The following CLYBL variants were observed in gnomAD, a reference collection of about 807,000 sequenced individuals.
CLYBL encodes the protein citramalyl-CoA lyase, also known as citramalyl-CoA lyase, mitochondrial.
Under a neutral mutation model 38.9 loss-of-function variants are expected in CLYBL, and 31 were observed. That is an observed-to-expected ratio of 0.80 (90% CI 0.60 to 1.08). The LOEUF (loss-of-function observed/expected upper bound fraction) is 1.08, where lower values mean the gene tolerates loss of function less well. Among genes scored for constraint, CLYBL ranks in the 50% least tolerant of loss-of-function variants. CLYBL has a pLI of 0.00. For missense variants in CLYBL, 434 were observed against 411.6 expected (o/e 1.05, Z -0.47); for synonymous variants, 171 against 158.6 (o/e 1.08, Z -0.59).
At chr13:99,862,240 A>G (rs187103563) in intron 3 of CLYBL, among the ~76,000 whole-genome samples, 90 of 152,296 alleles carry the variant, frequency 5.9e-4, no homozygotes, top group African/African-American at 2.0e-3. Flanking sequence ...CTATCTCCCC[A>G]CATCTTATTA....
chr13:99,817,353 A>T (rs1016495207), intron 2 of CLYBL, among the ~76,000 whole-genome samples: 1 of 152,150 alleles, frequency 6.6e-6, no homozygotes, highest in African/African-American at 2.4e-5. Context: ...ATTAAGAGAG[A>T]GAAGATGTGA....
chr13:99,860,163 A>G (rs995572848), intron 3 of CLYBL, among the ~76,000 whole-genome samples: 2 of 152,174 alleles, frequency 1.3e-5, no homozygotes, highest in South Asian at 4.1e-4. Context: ...TCGATTTTGA[A>G]GACTCGGGAC....
At chr13:99,640,239 TTAA>T (rs2139264518) in intron 1 of CLYBL, among the ~76,000 whole-genome samples, 1 of 152,368 alleles carries the variant, frequency 6.6e-6, no homozygotes, top group East Asian at 1.9e-4. Context: ...TACTTAAGAT[TTAA>T]TATATTTGCT....
At chr13:99,787,559 ATC>A in intron 2 of CLYBL, among the ~76,000 whole-genome samples, 1 of 152,204 alleles carries the variant, frequency 6.6e-6, no homozygotes. Context: ...ATTGGTCTGT[ATC>A]TCTGTTTTGC....
intron 2 of CLYBL, among the ~76,000 whole-genome samples, chr13:99,783,413 A>G (rs1447290566): frequency 6.6e-6 from 1 of 151,026 alleles, no homozygotes; most frequent in East Asian, 2.0e-4. Flanking sequence ...TCTTCTACAT[A>G]TCTGCTTGGT....
At chr13:99,692,296 T>G (rs9557279) in intron 1 of CLYBL, among the ~76,000 whole-genome samples, 4,438 of 150,506 alleles carry the variant, frequency 0.029, 197 homozygotes, top group African/African-American at 0.099. Flanking sequence ...GTTTTTTTTT[T>G]TTTGTTTGTT....
chr13:99,630,260 A>G (rs1342886738), intron 1 of CLYBL, among the ~76,000 whole-genome samples: 2 of 152,166 alleles, frequency 1.3e-5, no homozygotes, highest in Non-Finnish European at 1.5e-5. Context: ...ATCCTGATAA[A>G]TTGTCAAATG....
intron 1 of CLYBL, among the ~76,000 whole-genome samples, chr13:99,635,831 T>A (rs1370493441): frequency 4.6e-5 from 7 of 152,232 alleles, no homozygotes; most frequent in Admixed American, 6.5e-5. Flanking sequence ...CTCATCTTTA[T>A]GGTGACAATA....
chr13:99,607,144 C>T lies in CLYBL; in HGVS notation c.62+387C>T, dbSNP rs191943574. Among the ~76,000 whole-genome samples, 404 of 152,240 alleles carry T rather than the reference C, an allele frequency of 2.7e-3. 4 individuals carry two copies. Among genetic ancestry groups the T allele is most frequent in the African/African-American group, 9.4e-3 (391 of 41,536 alleles). ...TCCCAAACGGTTTGGTCTCAGGACC[C>T]GTTTACACGTCTAAAAATAATTTGA... On this transcript the variant is annotated intron_variant, in intron 1 of 8. Transcript: ENST00000339105.
chr13:99,882,214 G>T (rs1326468279), intron 7 of CLYBL, among the ~76,000 whole-genome samples: 1 of 152,112 alleles, frequency 6.6e-6, no homozygotes, highest in Non-Finnish European at 1.5e-5. Flanking sequence ...TTAATAAGAA[G>T]AATTTGAGAT....
chr13:99,835,873 G>A (rs1000980056), intron 2 of CLYBL, among the ~76,000 whole-genome samples: 1 of 152,166 alleles, frequency 6.6e-6, no homozygotes, highest in Non-Finnish European at 1.5e-5. Flanking sequence ...AGTTAACCAG[G>A]AAGTCCAGGG....
chr13:99,803,504 T>C (rs2050173897), intron 2 of CLYBL, among the ~76,000 whole-genome samples: 2 of 152,254 alleles, frequency 1.3e-5, no homozygotes, highest in South Asian at 4.1e-4. Flanking sequence ...GGAACTGCAG[T>C]GGAAAGCCTA....
At chr13:99,840,750 C>CAAAAAAA (rs59274056) in intron 2 of CLYBL, among the ~76,000 whole-genome samples, 8 of 16,814 alleles carry the variant, frequency 4.8e-4, no homozygotes, top group African/African-American at 1.9e-3. Flanking sequence ...ACCCTTGTCT[C>CAAAAAAA]AAAAAAAAAA....
chr13:99,755,144 G>A (rs181866842), intron 1 of CLYBL, among the ~76,000 whole-genome samples: 18 of 152,266 alleles, frequency 1.2e-4, no homozygotes, highest in Admixed American at 7.2e-4. Context: ...TGATCCGCCC[G>A]CCTCGGCCTC....
intron 7 of CLYBL, among the ~76,000 whole-genome samples, chr13:99,872,799 ACACT>A (rs1275706144): frequency 6.6e-6 from 1 of 152,106 alleles, no homozygotes; most frequent in African/African-American, 2.4e-5. Flanking sequence ...CAAACCAGAA[ACACT>A]TGCTTTGCTC....
intron 1 of CLYBL, among the ~76,000 whole-genome samples, chr13:99,607,812 C>T (rs746288936): frequency 5.3e-5 from 8 of 151,986 alleles, no homozygotes; most frequent in African/African-American, 1.5e-4. Context: ...GGTGTAATCT[C>T]GGCTTACTGC....
chr13:99,775,527 A>AT (rs1459362234), intron 2 of CLYBL, among the ~76,000 whole-genome samples: 74 of 152,028 alleles, frequency 4.9e-4, no homozygotes, highest in Non-Finnish European at 3.1e-4. Context: ...CATTAAAAAA[A>AT]TTTTTTTTGG....
rs138823239 is a variant in CLYBL, at chr13:99,816,695, A to G, written c.250-42166A>G. On this transcript the variant is annotated intron_variant, in intron 2 of 8. Coordinates refer to ENST00000339105, the MANE Select transcript of CLYBL (RefSeq NM_206808.5). ...TGGACACAGTGAGAAAGTTCCATCT[A>G]TGAACCAGGAAGCAAGTCCTCACCA... Among the ~76,000 whole-genome samples, 763 of 152,364 alleles carry G rather than the reference A, an allele frequency of 5.0e-3. 12 individuals are homozygous for G. The highest frequency in any genetic ancestry group is 0.017 in the African/African-American group (713 of 41,596).
At position 99,849,959 on chromosome 13, in the gene CLYBL, C is replaced by T. The variant is rs1195604356; in HGVS notation, c.250-8902C>T. On this transcript the variant is annotated intron_variant, in intron 2 of 8. Coordinates refer to ENST00000339105, the MANE Select transcript of CLYBL (RefSeq NM_206808.5). The surrounding 1 kb of genome is among the most constrained non-coding windows in gnomAD (Gnocchi z 4.9). ...GTGAAAATACAAAACAAAAATATCA[C>T]GATCCCCCCAATCCACACCATATAC... Among the ~76,000 whole-genome samples the T allele has an allele frequency of 2.6e-5, 4 of 152,102 alleles. No individual in the cohort carries two copies. Among genetic ancestry groups the T allele is most frequent in the Admixed American group, 2.0e-4 (3 of 15,280 alleles).
Sources: allele counts gnomAD v4.1 joint callset (sites outside exome capture counted in the v4.1 genomes callset), GRCh38; gene constraint gnomAD v4.1.1; non-coding constraint Gnocchi (gnomAD v3.1); transcripts MANE v1.5; gene names NCBI Gene and HGNC (gene_info 2026-07-23, HGNC 2026-07-21).